DACH1: variants seen among roughly 807,000 people sequenced by gnomAD.
DACH1 encodes the protein dachshund homolog 1.
DACH1 carries 12 observed loss-of-function variants against 54.2 expected under a neutral mutation model. That is an observed-to-expected ratio of 0.22 (90% CI 0.14 to 0.36). The LOEUF is 0.36. Ranked by LOEUF, DACH1 falls within the 10% of genes least tolerant of loss-of-function variation. The probability of loss-of-function intolerance (pLI) is 1.00; values close to 1 mark genes in which losing one functional copy is unlikely to be tolerated. For missense variants in DACH1, 805 were observed against 929.8 expected (o/e 0.87, Z 1.75); for synonymous variants, 386 against 366.2 (o/e 1.05, Z -0.62).
At chr13:71,745,291 A>G (rs766772435) in intron 1 of DACH1, among the ~76,000 whole-genome samples, 2 of 152,216 alleles carry the variant, frequency 1.3e-5, no homozygotes, top group Non-Finnish European at 2.9e-5. Flanking sequence ...GAACATATGT[A>G]ATAGGCACAC....
chr13:71,628,701 C>T (rs115278450), intron 3 of DACH1, among the ~76,000 whole-genome samples: 8 of 152,142 alleles, frequency 5.3e-5, no homozygotes, highest in Non-Finnish European at 7.4e-5. Flanking sequence ...CGATAGGCTA[C>T]GTACCAAAAT....
In DACH1 at chr13:71,699,413, T is replaced by C. The variant is rs564145719; in HGVS notation, c.849-17503A>G. ...TTTTTCAAAAACTAGCTTTTCCTTC[T>C]TTAGGCTTCAACAATGAATTTTATT... On this transcript the variant is annotated intron_variant, in intron 1 of 10. Transcript: ENST00000613252. Among the ~76,000 whole-genome samples the C allele has an allele frequency of 3.9e-5, 6 of 152,358 alleles. No homozygotes were observed. The South Asian group carries it at 1.2e-3, about 32-fold the overall frequency.
chr13:71,760,553 CA>C (rs1428642452), intron 1 of DACH1, among the ~76,000 whole-genome samples: 1 of 152,118 alleles, frequency 6.6e-6, no homozygotes, highest in African/African-American at 2.4e-5. Context: ...AATAAACAGT[CA>C]CCCAATCTAA....
chr13:71,512,977 G>T (rs950733211), intron 6 of DACH1, among the ~76,000 whole-genome samples: 8 of 151,816 alleles, frequency 5.3e-5, no homozygotes, highest in East Asian at 3.9e-4. Context: ...GATAGTGATT[G>T]GTGAAAATGA....
chr13:71,669,985 A>G (rs1816151062), intron 2 of DACH1, among the ~76,000 whole-genome samples: 1 of 151,738 alleles, frequency 6.6e-6, no homozygotes, highest in African/African-American at 2.4e-5. Context: ...TAAAGAAAAG[A>G]GTCATAGCCT....
chr13:71,658,878 C>T (rs1879311639), intron 2 of DACH1, among the ~76,000 whole-genome samples: 1 of 151,838 alleles, frequency 6.6e-6, no homozygotes, highest in South Asian at 2.1e-4. Flanking sequence ...TAATTGCACA[C>T]ATTTTGATTT....
chr13:71,795,023 T>G (rs1277537040), intron 1 of DACH1, among the ~76,000 whole-genome samples: 1 of 152,068 alleles, frequency 6.6e-6, no homozygotes, highest in Non-Finnish European at 1.5e-5. Context: ...AATAAACCAT[T>G]ATTGGAAGTC....
chr13:71,799,058 T>A (rs963663887), intron 1 of DACH1, among the ~76,000 whole-genome samples: 43 of 152,106 alleles, frequency 2.8e-4, no homozygotes, highest in African/African-American at 9.7e-4. Context: ...AAGCTAAAGT[T>A]TCCCCCCTTC....
chr13:71,658,794 A>C (rs541256761), intron 2 of DACH1, among the ~76,000 whole-genome samples: 1 of 152,322 alleles, frequency 6.6e-6, no homozygotes, highest in African/African-American at 2.4e-5. Flanking sequence ...AATACCAAAA[A>C]TGTGTACATA....
chr13:71,838,043 A>T (rs1260525207), intron 1 of DACH1, among the ~76,000 whole-genome samples: 22 of 142,472 alleles, frequency 1.5e-4, no homozygotes, highest in Admixed American at 4.4e-4. Flanking sequence ...AAAAAAAAAG[A>T]AGTGCCAACC....
In DACH1 at chr13:71,866,335, A is replaced by ACTGCTGCTGCTG. The variant is rs752226499; in HGVS notation, c.423_434dup (p.Ser160_Ser163dup). 16 of 1,509,986 alleles carry ACTGCTGCTGCTG rather than the reference A, an allele frequency of 1.1e-5. No homozygotes were observed. The highest frequency in any genetic ancestry group is 1.2e-5 in the Non-Finnish European group (13 of 1,119,714). The allele number at this position is 1,509,986 out of a possible 1,614,324, so 93.5% of individuals were successfully genotyped here. A position where few individuals can be genotyped will look rare whatever the true frequency, so the allele number is the denominator to read the frequency against. ...TACTGCTGCTGCTGCTGCTGCTGCT[A>ACTGCTGCTGCTG]CTGCTGCTGCTGCTGCTGCCGGTGC... On this transcript the variant is annotated inframe_insertion, in exon 1 of 11. Coordinates refer to ENST00000613252, the MANE Select transcript of DACH1 (RefSeq NM_080759.6).
rs552808622 is a variant in DACH1, at chr13:71,519,883, G to GTGTATATATATATA, written c.1571-30736_1571-30735insTATATATATATACA. ...AGATGTTTGTGTCCAAACCAAAGTA[G>GTGTATATATATATA]TATATATATATATATATATATATAT... is the stretch of plus-strand genomic sequence containing the variant. On this transcript the variant is annotated intron_variant, in intron 6 of 10. Coordinates refer to ENST00000613252, the MANE Select transcript of DACH1 (RefSeq NM_080759.6). 2.4e-3 allele frequency among the ~76,000 whole-genome samples: 71 copies of GTGTATATATATATA among 29,312 alleles called. 8 individuals carry two copies. Among genetic ancestry groups the GTGTATATATATATA allele is most frequent in the Non-Finnish European group, 3.8e-3 (39 of 10,144 alleles). 19.2% of individuals were successfully genotyped at this position (29,312 alleles called of 152,430 possible).
intron 3 of DACH1, among the ~76,000 whole-genome samples, chr13:71,603,515 G>T (rs532829606): frequency 1.2e-3 from 175 of 151,988 alleles, no homozygotes; most frequent in Non-Finnish European, 2.1e-3. Context: ...ATCACTTTCA[G>T]TGTTTATTTT....
At chr13:71,586,173 C>T (rs893515853) in intron 3 of DACH1, among the ~76,000 whole-genome samples, 1 of 152,002 alleles carries the variant, frequency 6.6e-6, no homozygotes, top group African/African-American at 2.4e-5. Context: ...ACAGGGGGTA[C>T]CAGCTCACCA....
Position 71,866,409 on chromosome 13 carries a change from C to A in DACH1, c.361G>T (p.Gly121Cys), listed in dbSNP as rs1178775434. 7.5e-7 allele frequency: 1 copy of A among 1,339,742 alleles called. No homozygotes were observed. The highest frequency in any genetic ancestry group is 9.8e-7 in the Non-Finnish European group (1 of 1,018,114). 83.0% of individuals were successfully genotyped at this position (1,339,742 alleles called of 1,614,324 possible). ...ASNGSGGGGG[G>C]ISAGGGVASS... ...GCGACGCCGCCGCCAGCGCTGATGC[C>A]GCCGCCGCCGCCGCCGCTGCCGTTG... is the stretch of plus-strand genomic sequence containing the variant. The change falls in exon 1 of 11, where the codon GGC (glycine) becomes TGC (cysteine). Residue 121 changes from glycine to cysteine, a missense_variant. Physicochemically the swap from Gly to Cys is radical, Grantham distance 159 (BLOSUM62 -3). Around this residue, in one of 3 missense-constraint regions of DACH1, gnomAD observed 305 missense variants for 308.7 expected, o/e 0.99. Transcript: ENST00000613252.
intron 1 of DACH1, among the ~76,000 whole-genome samples, chr13:71,860,208 A>G (rs888042559): frequency 2.7e-5 from 4 of 150,522 alleles, no homozygotes; most frequent in African/African-American, 9.8e-5. Context: ...TGTAGTATTT[A>G]GACATACGTA....
intron 3 of DACH1, among the ~76,000 whole-genome samples, chr13:71,601,917 T>A (rs1566370816): frequency 6.6e-6 from 1 of 152,026 alleles, no homozygotes; most frequent in Non-Finnish European, 1.5e-5. Context: ...ATGTAATTTG[T>A]GTAATGCTAA....
Position 71,479,288 on chromosome 13 carries a change from G to A in DACH1, c.1751C>T (p.Ala584Val). 1 of 1,612,978 alleles carries A rather than the reference G, an allele frequency of 6.2e-7. No homozygotes were observed. The highest frequency in any genetic ancestry group is 8.5e-7 in the Non-Finnish European group (1 of 1,179,552). Residue 584 changes from alanine to valine, a missense_variant, in exon 8 of 11, where the codon GCC becomes GTC. Around this residue, in one of 3 missense-constraint regions of DACH1, gnomAD observed 472 missense variants for 545.3 expected, o/e 0.87. Coordinates refer to ENST00000613252, the MANE Select transcript of DACH1 (RefSeq NM_080759.6). ...TTGGACCTGTTTCTCTTGAGCTCTGGCATTATCTATGGCAACTTTCAACAG... is the reference window on the plus strand; with the variant it reads ...TTGGACCTGTTTCTCTTGAGCTCTGACATTATCTATGGCAACTTTCAACAG... ...QGLLKVAIDNARAQEKQVQLE... is the reference protein window; with the variant it reads ...QGLLKVAIDNVRAQEKQVQLE...
intron 2 of DACH1, among the ~76,000 whole-genome samples, chr13:71,657,579 A>AG (rs1238746688): frequency 4.7e-5 from 7 of 150,416 alleles, no homozygotes; most frequent in African/African-American, 1.5e-4. Flanking sequence ...TCTCAAATAA[A>AG]AAAAAAAAAA....
Sources: gnomAD v4.1 joint callset for allele counts (sites outside exome capture counted in the v4.1 genomes callset) on GRCh38, gnomAD v4.1.1 for gene constraint, gnomAD v4.1.1 regional missense constraint, MANE v1.5 for transcripts, NCBI Gene and HGNC (gene_info 2026-07-23, HGNC 2026-07-21) for gene names.